CERKL: variants seen among roughly 807,000 people sequenced by gnomAD.
CERKL encodes ceramide kinase-like protein.
CERKL carries 61 observed loss-of-function variants against 63.4 expected under a neutral mutation model. The ratio of observed to expected loss-of-function variants is 0.96; its 90% CI spans 0.78 to 1.19. The LOEUF (loss-of-function observed/expected upper bound fraction) is 1.19. CERKL is among the 50% of genes most tolerant of loss of function. CERKL has a pLI of 0.00. For synonymous variants in CERKL, 250 were observed against 230.5 expected (o/e 1.08, Z -0.77); for missense variants, 675 against 655.5 (o/e 1.03, Z -0.33).
chr2:181,634,495 A>C (rs902204500), intron 1 of CERKL, among the ~76,000 whole-genome samples: 1 of 152,100 alleles, frequency 6.6e-6, no homozygotes, highest in Admixed American at 6.6e-5. Context: ...AAGGTGAAAA[A>C]AATTTTTTCC....
rs1559129004 is a variant in CERKL at position 181,656,991 on chromosome 2, GCCT to G, written c.13_15del (p.Arg7del). 1 of 1,579,626 alleles carries G rather than the reference GCCT, an allele frequency of 6.3e-7. No individual in the cohort carries two copies. The highest frequency in any genetic ancestry group is 8.6e-7 in the Non-Finnish European group (1 of 1,167,666). ...TCCAGGGCACTCACCCGGTTCCTGCGCCTCCTCCAGGGCATGGCGGAGTCGCAG... is the reference window on the plus strand; with the variant it reads ...TCCAGGGCACTCACCCGGTTCCTGCGCCTCCAGGGCATGGCGGAGTCGCAG... On this transcript the variant is annotated inframe_deletion, in exon 1 of 13. Transcript: ENST00000410087.
chr2:181,638,122 G>C lies in CERKL; in HGVS notation c.238+18647C>G, dbSNP rs60346765. On this transcript the variant is annotated intron_variant, in intron 1 of 12. Coordinates refer to ENST00000410087, the MANE Select transcript of CERKL (RefSeq NM_201548.5). Reference sequence around the variant, plus strand: ...GCCTGCACTTGAATTGGAAGTATCAGCATAATCCTATGATACATTTTTTCT... The same window carrying C: ...GCCTGCACTTGAATTGGAAGTATCACCATAATCCTATGATACATTTTTTCT... 4.0e-3 allele frequency among the ~76,000 whole-genome samples: 608 copies of C among 152,224 alleles called. 17 individuals carry two copies. Among genetic ancestry groups the C allele is most frequent in the East Asian group, 0.013 (66 of 5,188 alleles).
intron 10 of CERKL, among the ~76,000 whole-genome samples, chr2:181,546,722 C>A (rs1687740884): frequency 6.6e-6 from 1 of 152,030 alleles, no homozygotes; most frequent in African/African-American, 2.4e-5. Flanking sequence ...GAAGAATGTG[C>A]AAGAGAAGGA....
intron 11 of CERKL, among the ~76,000 whole-genome samples, chr2:181,542,780 CATA>C (rs1451557463): frequency 6.6e-6 from 1 of 152,100 alleles, no homozygotes; most frequent in African/African-American, 2.4e-5. Flanking sequence ...ATAAATCCTG[CATA>C]ATATTATCTC....
chr2:181,548,113 T>C, intron 8 of CERKL: 1 of 582,214 alleles, frequency 1.7e-6, no homozygotes, highest in Non-Finnish European at 3.0e-6. Flanking sequence ...AATATGGCTT[T>C]AATATTTGTA....
At chr2:181,596,848 A>AT (rs1474282795) in intron 2 of CERKL, among the ~76,000 whole-genome samples, 4 of 152,174 alleles carry the variant, frequency 2.6e-5, no homozygotes, top group African/African-American at 9.7e-5. Context: ...ACTGAGACTT[A>AT]TTTTATCAGA....
At chr2:181,638,113 G>T (rs1266382511) in intron 1 of CERKL, among the ~76,000 whole-genome samples, 1 of 152,152 alleles carries the variant, frequency 6.6e-6, no homozygotes, top group Non-Finnish European at 1.5e-5. Context: ...ACTTGAATTG[G>T]AAGTATCAGC....
intron 4 of CERKL, among the ~76,000 whole-genome samples, chr2:181,560,326 A>C (rs1169558175): frequency 6.6e-6 from 1 of 152,164 alleles, no homozygotes; most frequent in South Asian, 2.1e-4. Flanking sequence ...GGATGCGAAC[A>C]CTTAACTCCT....
chr2:181,589,626 A>G (rs79714770), intron 2 of CERKL, among the ~76,000 whole-genome samples: 3,373 of 152,210 alleles, frequency 0.022, 111 homozygotes, highest in African/African-American at 0.077. Flanking sequence ...ACTATTTGGG[A>G]AAAAATAGGA....
chr2:181,573,781 C>T lies in CERKL; in HGVS notation c.585G>A (p.Lys195=). 2 of 1,612,492 alleles carry T rather than the reference C, an allele frequency of 1.2e-6. No homozygotes were observed. The highest frequency in any genetic ancestry group is 1.7e-6 in the Non-Finnish European group (2 of 1,178,972). Residue 195 remains lysine (K), a synonymous_variant, in exon 3 of 13, where the codon AAG becomes AAA. Transcript: ENST00000410087. ...TTACATCAGTTTTTATTCCTGCAAG[C>T]TTCAACAGAGGTTCAACCTTCTCAT... ...VYYEKVEPLL[K]LAGIKTDVTI...
intron 1 of CERKL, among the ~76,000 whole-genome samples, chr2:181,607,450 G>A (rs540971919): frequency 6.6e-6 from 1 of 152,300 alleles, no homozygotes; most frequent in African/African-American, 2.4e-5. Flanking sequence ...AACTATAGAT[G>A]TTTTTGAAAA....
chr2:181,581,033 C>G (rs1254478417), intron 2 of CERKL, among the ~76,000 whole-genome samples: 3 of 152,164 alleles, frequency 2.0e-5, no homozygotes, highest in African/African-American at 7.2e-5. Context: ...AAGGAGGCAA[C>G]CCAGGTTTCC....
intron 2 of CERKL, among the ~76,000 whole-genome samples, chr2:181,597,161 T>C (rs1685251764): frequency 6.6e-6 from 1 of 152,188 alleles, no homozygotes; most frequent in Non-Finnish European, 1.5e-5. Context: ...TAACATGCTA[T>C]CAGTCCAAGA....
intron 5 of CERKL, among the ~76,000 whole-genome samples, chr2:181,551,481 C>T (rs1335640683): frequency 6.6e-6 from 1 of 151,912 alleles, no homozygotes; most frequent in African/African-American, 2.4e-5. Context: ...AAAAAAAATT[C>T]CATCAAAAAG....
intron 4 of CERKL, among the ~76,000 whole-genome samples, chr2:181,564,999 A>T (rs1203843289): frequency 6.6e-6 from 1 of 152,120 alleles, no homozygotes; most frequent in Non-Finnish European, 1.5e-5. Context: ...CCTCAATTAG[A>T]TTCCTTTTGG....
rs182819600 is a variant in CERKL, at chr2:181,655,956, A to T, written c.238+813T>A. On this transcript the variant is annotated intron_variant, in intron 1 of 12. Transcript: ENST00000410087. ...AAGACTATATGAAAGTCTACTTATA[A>T]GACTTGCAAAATGGTCTTTATAAAA... is the stretch of plus-strand genomic sequence containing the variant. 2.0e-5 allele frequency among the ~76,000 whole-genome samples: 3 copies of T among 152,338 alleles called. No homozygotes were observed. In the East Asian group the frequency reaches 5.8e-4, roughly 29 times the overall value.
chr2:181,638,379 A>G (rs1412738224), intron 1 of CERKL, among the ~76,000 whole-genome samples: 1 of 152,216 alleles, frequency 6.6e-6, no homozygotes, highest in African/African-American at 2.4e-5. Context: ...GCCATTCCAG[A>G]AAGCAGGGAA....
chr2:181,547,687 A>C lies in CERKL; in HGVS notation c.1199T>G (p.Leu400Trp), dbSNP rs779716333. 1 of 1,614,094 alleles carries C rather than the reference A, an allele frequency of 6.2e-7. No individual in the cohort carries two copies. The highest frequency in any genetic ancestry group is 2.2e-5 in the East Asian group (1 of 44,868). The change falls in exon 10 of 13, where the codon TTG becomes TGG. Residue 400 changes from leucine to tryptophan, a missense_variant. Physicochemically the swap from Leu to Trp is moderately conservative, Grantham distance 61. Transcript: ENST00000410087. ...DQWQMIQGQF[L>W]NVSIMAIPCL... The stretch of plus-strand genomic sequence containing the variant: ...AGGAATTGCCATAATGCTGACATTC[A>C]AGAACTGACCCTGGATCATTTGCCA...
Position 181,537,976 on chromosome 2 carries a change from G to A in CERKL, c.*208C>T, listed in dbSNP as rs866941620. The A allele has an allele frequency of 3.0e-6, 2 of 661,552 alleles. No homozygotes were observed. The highest frequency in any genetic ancestry group is 5.7e-6 in the Non-Finnish European group (2 of 353,562). The allele number at this position is 661,552 out of a possible 1,614,324, so 41.0% of individuals were successfully genotyped here. On this transcript the variant is annotated 3_prime_UTR_variant, in exon 13 of 13. Transcript: ENST00000410087. ...CCATATGGTGAACTGGTATGTGAGG[G>A]ATCTAGAGTGCCATGTTCCTCAAGA...
Sources: gnomAD v4.1 joint callset for allele counts (sites outside exome capture counted in the v4.1 genomes callset) on GRCh38, gnomAD v4.1.1 for gene constraint, MANE v1.5 for transcripts, NCBI Gene and HGNC (gene_info 2026-07-23, HGNC 2026-07-21) for gene names.